Variants in NUCKS1 observed in about 807,000 individuals in gnomAD.
The protein encoded by NUCKS1 is nuclear ubiquitous casein and cyclin-dependent kinase substrate 1.
Under a neutral mutation model 33.0 loss-of-function variants are expected in NUCKS1, and 2 were observed. That is an observed-to-expected ratio of 0.06 (90% CI 0.02 to 0.19). The LOEUF is 0.19. Ranked by LOEUF, NUCKS1 falls within the 10% of genes least tolerant of loss-of-function variation. The pLI, the probability that NUCKS1 is intolerant of heterozygous loss-of-function variation, is 1.00. For synonymous variants in NUCKS1, 106 were observed against 102.8 expected (o/e 1.03, Z -0.19); for missense variants, 201 against 293.6 (o/e 0.68, Z 2.31).
intron 1 of NUCKS1, among the ~76,000 whole-genome samples, chr1:205,742,499 G>A (rs16856246): frequency 0.017 from 2,607 of 152,298 alleles, 58 homozygotes; most frequent in African/African-American, 0.045. Flanking sequence ...CGCCCAGTTT[G>A]ACCGAAGTGG....
At chr1:205,729,236 T>C (rs1205866993) in intron 2 of NUCKS1, among the ~76,000 whole-genome samples, 1 of 152,166 alleles carries the variant, frequency 6.6e-6, no homozygotes, top group Non-Finnish European at 1.5e-5. Flanking sequence ...CCCAAAGTGC[T>C]GGGATTACAG....
chr1:205,740,005 T>TTTG (rs1558055241), intron 1 of NUCKS1, among the ~76,000 whole-genome samples: 1 of 138,580 alleles, frequency 7.2e-6, no homozygotes, highest in African/African-American at 2.7e-5. Context: ...AGGTTTTTTT[T>TTTG]TTTTTTTTTT....
intron 1 of NUCKS1, among the ~76,000 whole-genome samples, chr1:205,747,861 ACT>A (rs1407469403): frequency 2.0e-5 from 3 of 152,176 alleles, no homozygotes; most frequent in African/African-American, 7.2e-5. Context: ...AAACCACCAA[ACT>A]CAAGTTTAAT....
intron 1 of NUCKS1, among the ~76,000 whole-genome samples, chr1:205,738,190 T>C (rs1225671169): frequency 6.6e-6 from 1 of 152,006 alleles, no homozygotes; most frequent in East Asian, 1.9e-4. Context: ...CATGCCCGGC[T>C]ACTTTTTTTG....
rs1381167073 is a variant in NUCKS1, at chr1:205,717,223, C to T, written c.*1057G>A. On this transcript the variant is annotated 3_prime_UTR_variant, in exon 7 of 7. Transcript: ENST00000367142. ...GAGCATGGTTAATGGGACCTGAATG[C>T]ACATTTATAGCATAAAAGAATGTCA... The T allele has an allele frequency of 6.8e-6, 5 of 737,778 alleles. No individual in the cohort carries two copies. In the East Asian group the frequency reaches 3.9e-4, roughly 58 times the overall value. The allele number at this position is 737,778 out of a possible 1,614,324, so 45.7% of individuals were successfully genotyped here.
intron 1 of NUCKS1, 78 bp downstream of exon 1, chr1:205,749,879 G>A (rs768425330): frequency 6.1e-5 from 89 of 1,464,396 alleles, no homozygotes; most frequent in Admixed American, 4.8e-4. Flanking sequence ...GCGGACTCTA[G>A]CCTTCTGTCC....
At chr1:205,734,876 T>C (rs1014561389) in intron 1 of NUCKS1, among the ~76,000 whole-genome samples, 7 of 151,960 alleles carry the variant, frequency 4.6e-5, no homozygotes, top group East Asian at 1.9e-4. Context: ...GCCTGGGTGA[T>C]AGAGCAAGAC....
At position 205,718,122 on chromosome 1, in the gene NUCKS1, G is replaced by A; in HGVS notation, c.*158C>T. 2.6e-6 allele frequency: 3 copies of A among 1,168,584 alleles called. No individual in the cohort carries two copies. The highest frequency in any genetic ancestry group is 3.2e-6 in the Non-Finnish European group (3 of 942,488). The allele number at this position is 1,168,584 out of a possible 1,614,324, so 72.4% of individuals were successfully genotyped here. On this transcript the variant is annotated 3_prime_UTR_variant, in exon 7 of 7. Coordinates refer to ENST00000367142, the MANE Select transcript of NUCKS1 (RefSeq NM_022731.5). The stretch of plus-strand genomic sequence containing the variant: ...AAAAAAAAGAGAGAGAGAGAGAAAT[G>A]TTACTTTCAACAAATGGAAAAAAGC...
At chr1:205,738,421 A>G (rs1176881621) in intron 1 of NUCKS1, among the ~76,000 whole-genome samples, 4 of 149,476 alleles carry the variant, frequency 2.7e-5, no homozygotes. Context: ...CTAGAGGTGG[A>G]CACTACCATG....
At chr1:205,730,010 A>G (rs552860203) in intron 1 of NUCKS1, among the ~76,000 whole-genome samples, 1 of 151,942 alleles carries the variant, frequency 6.6e-6, no homozygotes, top group Admixed American at 6.6e-5. Flanking sequence ...AACAAAAGTG[A>G]AACTCCATCT....
intron 1 of NUCKS1, among the ~76,000 whole-genome samples, chr1:205,747,214 C>A (rs1003674502): frequency 3.3e-5 from 5 of 152,176 alleles, no homozygotes; most frequent in African/African-American, 1.2e-4. Flanking sequence ...AGGTTCTCAG[C>A]CCAACATTTG....
At chr1:205,731,706 G>C (rs1240802836) in intron 1 of NUCKS1, among the ~76,000 whole-genome samples, 2 of 151,940 alleles carry the variant, frequency 1.3e-5, no homozygotes, top group African/African-American at 4.8e-5. Context: ...CCTGGCCAAC[G>C]TGGTGAAACC....
At chr1:205,723,758 T>A (rs531005880) in intron 4 of NUCKS1, among the ~76,000 whole-genome samples, 168 bp downstream of exon 4, 1 of 152,186 alleles carries the variant, frequency 6.6e-6, no homozygotes, top group Non-Finnish European at 1.5e-5. Flanking sequence ...CATAGATGAC[T>A]GTAATAAGCC....
rs769161343 is a variant in NUCKS1, at chr1:205,720,652, C to A, written c.231G>T (p.Glu77Asp). The change falls in exon 5 of 7, where the codon GAG becomes GAT. Residue 77 changes from glutamate (E) to aspartate (D), a missense_variant and splice_region_variant. Glu to Asp is a conservative substitution (Grantham distance 45). Coordinates refer to ENST00000367142, the MANE Select transcript of NUCKS1 (RefSeq NM_022731.5). ...KTKKDDSHSA[E>D]DSEDEKEDHK... The stretch of plus-strand genomic sequence containing the variant: ...GATCTTCTTTTTCATCTTCACTATC[C>A]TCTGCAATATCAGAATTACCATGAT... 2.5e-6 allele frequency: 4 copies of A among 1,610,084 alleles called. No individual in the cohort carries two copies. The South Asian group carries it at 3.3e-5, about 13-fold the overall frequency.
At chr1:205,733,984 CCCACCTTAGCT>C (rs1653977469) in intron 1 of NUCKS1, among the ~76,000 whole-genome samples, 1 of 152,164 alleles carries the variant, frequency 6.6e-6, no homozygotes, top group Admixed American at 6.6e-5. Context: ...AAGTGATCCT[CCCACCTTAGCT>C]TGTGGAACTA....
intron 3 of NUCKS1, among the ~76,000 whole-genome samples, chr1:205,725,101 T>C (rs1653716899): frequency 3.9e-5 from 6 of 152,222 alleles, no homozygotes; most frequent in Admixed American, 2.0e-4. Flanking sequence ...AGGCTGGTGA[T>C]GAACTCCTGA....
Position 205,718,190 on chromosome 1 carries a change from A to G in NUCKS1, c.*90T>C. 1 of 1,485,268 alleles carries G rather than the reference A, an allele frequency of 6.7e-7. No individual in the cohort carries two copies. Among genetic ancestry groups the G allele is most frequent in the South Asian group, 1.5e-5 (1 of 67,286 alleles). The allele number at this position is 1,485,268 out of a possible 1,614,324, so 92.0% of individuals were successfully genotyped here. A position where few individuals can be genotyped will look rare whatever the true frequency, so the allele number is the denominator to read the frequency against. Reference sequence around the variant, plus strand: ...CAAGCCATAGCCAAAACCATGTTCTATCTTAAGTAGGTTCTTTTTTTTCCT... The same window carrying G: ...CAAGCCATAGCCAAAACCATGTTCTGTCTTAAGTAGGTTCTTTTTTTTCCT... On this transcript the variant is annotated 3_prime_UTR_variant, in exon 7 of 7. Coordinates refer to ENST00000367142, the MANE Select transcript of NUCKS1 (RefSeq NM_022731.5).
At chr1:205,747,454 G>A (rs79218503) in intron 1 of NUCKS1, among the ~76,000 whole-genome samples, 4,424 of 152,270 alleles carry the variant, frequency 0.029, 103 homozygotes, top group Non-Finnish European at 0.047. Flanking sequence ...CTAGACACAG[G>A]TCTTTGCAAA....
rs1383057084 is a variant in NUCKS1, at chr1:205,715,987, A to T, written c.*2293T>A. On this transcript the variant is annotated 3_prime_UTR_variant, in exon 7 of 7. Coordinates refer to ENST00000367142, the MANE Select transcript of NUCKS1 (RefSeq NM_022731.5). ...ATCATCAATAAAAAGTGGAGAAAAC[A>T]AAGGTTATTCAGAGCCTGTCTCACT... 1.3e-5 allele frequency: 2 copies of T among 152,142 alleles called. No homozygotes were observed. The highest frequency in any genetic ancestry group is 3.8e-4 in the East Asian group (2 of 5,198). The allele number at this position is 152,142 out of a possible 1,614,324, so 9.4% of individuals were successfully genotyped here. A position where few individuals can be genotyped will look rare whatever the true frequency, so the allele number is the denominator to read the frequency against.
Sources: allele counts gnomAD v4.1 joint callset (sites outside exome capture counted in the v4.1 genomes callset), GRCh38; gene constraint gnomAD v4.1.1; transcripts MANE v1.5; gene names NCBI Gene and HGNC (gene_info 2026-07-23, HGNC 2026-07-21).